The following KLF7 variants were observed in gnomAD, a reference collection of about 807,000 sequenced individuals.
KLF7 encodes the protein Krueppel-like factor 7.
KLF7 carries 2 observed loss-of-function variants against 27.3 expected under a neutral mutation model. That is an observed-to-expected ratio of 0.07 (90% CI 0.03 to 0.23). KLF7 has a LOEUF of 0.23. Ranked by LOEUF, KLF7 falls within the 10% of genes least tolerant of loss-of-function variation. The probability of loss-of-function intolerance (pLI) is 1.00; values close to 1 mark genes in which losing one functional copy is unlikely to be tolerated. For missense variants in KLF7, 221 were observed against 394.1 expected, an observed-to-expected ratio of 0.56 and a Z score of 3.72; for synonymous variants, 165 against 162.4, an observed-to-expected ratio of 1.02 and a Z score of -0.12.
chr2:207,134,019 A>C (rs2077711313), intron 1 of KLF7: 1 of 1,451,722 alleles, frequency 6.9e-7, no homozygotes, highest in Non-Finnish European at 9.3e-7. Flanking sequence ...AACTTTGCAC[A>C]CACACTCACA....
chr2:207,104,594 C>A (rs1314513319), intron 2 of KLF7, among the ~76,000 whole-genome samples: 1 of 152,154 alleles, frequency 6.6e-6, no homozygotes, highest in Non-Finnish European at 1.5e-5. Flanking sequence ...CTCTCAATAG[C>A]CCTAATGCTA....
chr2:207,094,281 T>C (rs1333881216), intron 2 of KLF7, among the ~76,000 whole-genome samples: 1 of 152,252 alleles, frequency 6.6e-6, no homozygotes, highest in African/African-American at 2.4e-5. Context: ...AAATTCTTAA[T>C]GCAAGTTCTA....
intron 3 of KLF7, among the ~76,000 whole-genome samples, chr2:207,084,609 C>CCCAG (rs1165963748): frequency 6.6e-6 from 1 of 151,972 alleles, no homozygotes; most frequent in Non-Finnish European, 1.5e-5. Flanking sequence ...AATTCAATAC[C>CCCAG]CCAGCAAGGT....
At chr2:207,090,888 C>A (rs577767857) in intron 2 of KLF7, among the ~76,000 whole-genome samples, 1 of 151,902 alleles carries the variant, frequency 6.6e-6, no homozygotes, top group Admixed American at 6.5e-5. Context: ...CTGGCACAAA[C>A]AAAAAAAGGA....
At chr2:207,099,104 A>G (rs1448659912) in intron 2 of KLF7, among the ~76,000 whole-genome samples, 1 of 152,164 alleles carries the variant, frequency 6.6e-6, no homozygotes, top group African/African-American at 2.4e-5. Context: ...ACTTCCCCTA[A>G]AAATGCAGTC....
At chr2:207,124,858 G>A (rs1387338847) in intron 1 of KLF7, among the ~76,000 whole-genome samples, 2 of 152,148 alleles carry the variant, frequency 1.3e-5, no homozygotes, top group Non-Finnish European at 2.9e-5. Flanking sequence ...ACACAAGTAA[G>A]TCAGTTTTCC....
At chr2:207,082,103 A>G (rs1222459770) in intron 3 of KLF7, among the ~76,000 whole-genome samples, 1 of 152,120 alleles carries the variant, frequency 6.6e-6, no homozygotes, top group Non-Finnish European at 1.5e-5. Flanking sequence ...GAGTGGATCC[A>G]GTGGTCATCT....
chr2:207,086,791 C>G (rs534051863), intron 3 of KLF7, among the ~76,000 whole-genome samples: 4 of 152,198 alleles, frequency 2.6e-5, no homozygotes, highest in African/African-American at 9.7e-5. Context: ...ATTACGGCTA[C>G]CCATAATGCT....
chr2:207,087,926 A>G (rs2076428732), intron 3 of KLF7, among the ~76,000 whole-genome samples: 1 of 152,188 alleles, frequency 6.6e-6, no homozygotes, highest in African/African-American at 2.4e-5. Context: ...ACCTATTTTC[A>G]AGGAAGAAAG....
intron 2 of KLF7, among the ~76,000 whole-genome samples, chr2:207,099,573 TGAAAAG>T (rs2076714694): frequency 1.1e-4 from 15 of 130,558 alleles, no homozygotes; most frequent in South Asian, 4.9e-4. Flanking sequence ...TATATATATA[TGAAAAG>T]AGATAGATCA....
intron 2 of KLF7, among the ~76,000 whole-genome samples, chr2:207,110,873 G>C (rs1378754222): frequency 6.6e-6 from 1 of 152,202 alleles, no homozygotes; most frequent in East Asian, 1.9e-4. Context: ...GTGGATCAGA[G>C]CAACCTACAG....
Position 207,083,859 on chromosome 2 carries a change from T to C in KLF7, c.858-2595A>G, listed in dbSNP as rs769044793. Among the ~76,000 whole-genome samples, 24 of 152,062 alleles carry C rather than the reference T, an allele frequency of 1.6e-4. 1 individual carries two copies. Among genetic ancestry groups the C allele is most frequent in the Admixed American group, 1.2e-3 (19 of 15,268 alleles). On this transcript the variant is annotated intron_variant, in intron 3 of 3. Transcript: ENST00000309446. Reference sequence around the variant, plus strand: ...GAGAAGGACTCAACAGCTTTAATGATGGAGGAATAGCATCATGAGCCAAGG... The same window carrying C: ...GAGAAGGACTCAACAGCTTTAATGACGGAGGAATAGCATCATGAGCCAAGG...
intron 2 of KLF7, among the ~76,000 whole-genome samples, chr2:207,099,366 AAC>A (rs1206426335): frequency 6.6e-6 from 1 of 151,750 alleles, no homozygotes; most frequent in Non-Finnish European, 1.5e-5. Context: ...GGGGAGACTA[AAC>A]TAGGCCTTAT....
intron 2 of KLF7, among the ~76,000 whole-genome samples, chr2:207,092,247 G>A (rs2076529100): frequency 6.6e-6 from 1 of 152,220 alleles, no homozygotes; most frequent in Admixed American, 6.5e-5. Flanking sequence ...ATGTGAGACA[G>A]GTAGATGGAA....
chr2:207,173,708 T>C, the KLF7 span: 2 of 152,182 alleles, frequency 1.3e-5, no homozygotes, highest in African/African-American at 4.8e-5. Flanking sequence ...AAGAGGGACC[T>C]GGTAGATTGT....
intron 3 of KLF7, among the ~76,000 whole-genome samples, chr2:207,083,274 A>G (rs2076316269): frequency 6.6e-6 from 1 of 152,098 alleles, no homozygotes; most frequent in South Asian, 2.1e-4. Flanking sequence ...AGTATTGCCC[A>G]CTGCCTGTTC....
At chr2:207,164,910 T>G (rs2078659189) in intron 1 of KLF7, among the ~76,000 whole-genome samples, 1 of 152,142 alleles carries the variant, frequency 6.6e-6, no homozygotes, top group Non-Finnish European at 1.5e-5. Flanking sequence ...TTCTCTCTTT[T>G]GCCTACCTTC....
At chr2:207,144,023 G>A (rs941895797) in intron 1 of KLF7, among the ~76,000 whole-genome samples, 1 of 152,118 alleles carries the variant, frequency 6.6e-6, no homozygotes, top group South Asian at 2.1e-4. Flanking sequence ...GGGAGGGGCA[G>A]GCTGGCTCCA....
At position 207,142,894 on chromosome 2, in the gene KLF7, T is replaced by G. The variant is rs570548245; in HGVS notation, c.103-18490A>C. ...ATTGGTGGTTTGCTCTGGGTTAAGC[T>G]TTGCCAACGCACTTCTAAAAGGCAG... On this transcript the variant is annotated intron_variant, in intron 1 of 3. Coordinates refer to ENST00000309446, the MANE Select transcript of KLF7 (RefSeq NM_003709.4). Among the ~76,000 whole-genome samples the G allele has an allele frequency of 4.8e-3, 731 of 152,314 alleles. 2 individuals carry two copies. The highest frequency in any genetic ancestry group is 7.4e-3 in the Non-Finnish European group (505 of 68,020).
Sources: allele counts gnomAD v4.1 joint callset (sites outside exome capture counted in the v4.1 genomes callset), GRCh38; gene constraint gnomAD v4.1.1; transcripts MANE v1.5; gene names NCBI Gene and HGNC (gene_info 2026-07-23, HGNC 2026-07-21).